Variants in TRMT11 observed in about 807,000 individuals in gnomAD.
TRMT11 encodes tRNA methyltransferase 11, also known as tRNA (guanine(10)-N(2))-methyltransferase TRMT11.
TRMT11 carries 53 observed loss-of-function variants against 62.8 expected under a neutral mutation model. The observed-to-expected ratio is 0.84, with a 90% CI of 0.68 to 1.06. The LOEUF (loss-of-function observed/expected upper bound fraction) is 1.06, where lower values mean the gene tolerates loss of function less well. Ranked by LOEUF, TRMT11 falls within the 50% of genes least tolerant of loss-of-function variation. The probability of loss-of-function intolerance (pLI) is 0.00; values close to 1 mark genes in which losing one functional copy is unlikely to be tolerated. For missense variants in TRMT11, 556 were observed against 553.4 expected, an observed-to-expected ratio of 1.00 and a Z score of -0.05; for synonymous variants, 188 against 190.3, an observed-to-expected ratio of 0.99 and a Z score of 0.10.
intron 21 of TRMT11, among the ~76,000 whole-genome samples, chr6:126,162,461 G>C (rs1778202524): frequency 1.3e-5 from 2 of 152,186 alleles, no homozygotes; most frequent in Admixed American, 6.5e-5. Context: ...TTTGGTTACT[G>C]TAGCCTTGTA....
chr6:126,195,057 A>G (rs1778649051), intron 1 of TRMT11, among the ~76,000 whole-genome samples: 1 of 152,214 alleles, frequency 6.6e-6, no homozygotes, highest in African/African-American at 2.4e-5. Flanking sequence ...TTGAGGGTGC[A>G]ATGAACTGTG....
intron 17 of TRMT11, among the ~76,000 whole-genome samples, chr6:126,106,831 A>T (rs1353785626): frequency 6.6e-6 from 1 of 151,550 alleles, no homozygotes; most frequent in African/African-American, 2.4e-5. Context: ...TATTAGGAGT[A>T]TTGGTGTATA....
At chr6:126,058,076 G>T (rs908702511) in intron 17 of TRMT11, among the ~76,000 whole-genome samples, 1 of 151,972 alleles carries the variant, frequency 6.6e-6, no homozygotes, top group Non-Finnish European at 1.5e-5. Flanking sequence ...CACTACATTA[G>T]GTATTTCTCC....
the TRMT11 span, among the ~76,000 whole-genome samples, chr6:126,219,066 C>T: frequency 6.6e-6 from 1 of 152,214 alleles, no homozygotes; most frequent in African/African-American, 2.4e-5. Context: ...CATGTGGCCG[C>T]TGCCAGGGGA....
chr6:126,098,166 G>T (rs1173796972), intron 17 of TRMT11, among the ~76,000 whole-genome samples: 2 of 152,040 alleles, frequency 1.3e-5, no homozygotes, highest in Non-Finnish European at 2.9e-5. Flanking sequence ...TAAGTTTGAG[G>T]TACTTACTGT....
intron 21 of TRMT11, among the ~76,000 whole-genome samples, chr6:126,122,718 C>T (rs1002558316): frequency 6.6e-6 from 1 of 152,132 alleles, no homozygotes; most frequent in South Asian, 2.1e-4. Flanking sequence ...TTTGTTGAAT[C>T]TAAGCATAAA....
intron 1 of TRMT11, among the ~76,000 whole-genome samples, chr6:126,197,566 C>T (rs1778680782): frequency 1.3e-5 from 2 of 152,086 alleles, no homozygotes; most frequent in South Asian, 4.1e-4. Context: ...CAGTTCAATC[C>T]ATAAAAGATT....
chr6:126,216,475 T>C, the TRMT11 span, among the ~76,000 whole-genome samples: 1 of 152,128 alleles, frequency 6.6e-6, no homozygotes, highest in East Asian at 1.9e-4. Context: ...GACCCATAGT[T>C]TCCAGAATTC....
chr6:126,156,446 C>G (rs966239437), intron 21 of TRMT11, among the ~76,000 whole-genome samples: 2 of 152,250 alleles, frequency 1.3e-5, no homozygotes, highest in African/African-American at 4.8e-5. Flanking sequence ...TAGGTGGGAG[C>G]TGTCAAGCCT....
Position 126,101,325 on chromosome 6 carries a change from TATA to T in TRMT11, c.*1438-11540_*1438-11538del, listed in dbSNP as rs541545661. ...AATAATAACTTTGAAATTAATTATA[TATA>T]TTCCACTTGCAAAATGATTCAATGA... On this transcript the variant is annotated intron_variant and NMD_transcript_variant, in intron 17 of 22. Transcript: ENST00000648977. 1.8e-4 allele frequency among the ~76,000 whole-genome samples: 27 copies of T among 152,328 alleles called. No individual in the cohort carries two copies. The East Asian group carries it at 4.0e-3, about 23-fold the overall frequency.
At chr6:125,987,507 C>T (rs1789853628) in intron 1 of TRMT11, among the ~76,000 whole-genome samples, 1 of 152,092 alleles carries the variant, frequency 6.6e-6, no homozygotes, top group Non-Finnish European at 1.5e-5. Flanking sequence ...ATTGAAAAGC[C>T]TTAAGTAAAA....
intron 7 of TRMT11, among the ~76,000 whole-genome samples, chr6:125,999,849 C>T (rs1481097855): frequency 6.6e-6 from 1 of 152,016 alleles, no homozygotes; most frequent in Non-Finnish European, 1.5e-5. Flanking sequence ...TAGGAGGGAG[C>T]ATCCATCTAA....
At chr6:126,231,622 A>G in the TRMT11 span, among the ~76,000 whole-genome samples, 3 of 152,182 alleles carry the variant, frequency 2.0e-5, no homozygotes, top group African/African-American at 7.2e-5. Context: ...TCAACAGTAC[A>G]TTGGAAACAA....
At chr6:126,186,534 A>G (rs906111432) in intron 1 of TRMT11, among the ~76,000 whole-genome samples, 3 of 152,180 alleles carry the variant, frequency 2.0e-5, no homozygotes, top group African/African-American at 7.2e-5. Flanking sequence ...TCAGGTGACT[A>G]TAAAATGTTG....
intron 21 of TRMT11, among the ~76,000 whole-genome samples, chr6:126,148,665 A>G (rs1778002457): frequency 6.6e-6 from 1 of 152,212 alleles, no homozygotes; most frequent in African/African-American, 2.4e-5. Flanking sequence ...AAGACTAATA[A>G]TAGTATTATT....
At chr6:126,178,693 A>G (rs1444748639) in intron 1 of TRMT11, among the ~76,000 whole-genome samples, 1 of 152,062 alleles carries the variant, frequency 6.6e-6, no homozygotes, top group Non-Finnish European at 1.5e-5. Flanking sequence ...AACTGAGAAA[A>G]CCAGCTGTTT....
intron 17 of TRMT11, among the ~76,000 whole-genome samples, chr6:126,093,615 A>ATATATATATATATATG: frequency 1.1e-5 from 1 of 89,168 alleles, no homozygotes; most frequent in South Asian, 2.8e-4. Flanking sequence ...ATATATATAT[A>ATATATATATATATATG]TATATATATA....
chr6:126,212,512 A>G, the TRMT11 span, among the ~76,000 whole-genome samples: 1 of 151,998 alleles, frequency 6.6e-6, no homozygotes, highest in African/African-American at 2.4e-5. Flanking sequence ...TTGGAATCAA[A>G]ACTGGAATAT....
chr6:126,207,031 A>G (rs1231214607), downstream of TRMT11, among the ~76,000 whole-genome samples: 1 of 152,200 alleles, frequency 6.6e-6, no homozygotes, highest in African/African-American at 2.4e-5. Flanking sequence ...TAATATCTCT[A>G]GTGGACATGA....
Sources: allele counts gnomAD v4.1 joint callset (sites outside exome capture counted in the v4.1 genomes callset), GRCh38; gene constraint gnomAD v4.1.1; transcripts MANE v1.5; gene names NCBI Gene and HGNC (gene_info 2026-07-23, HGNC 2026-07-21).